Variants in CDCA5 observed in about 807,000 individuals in gnomAD.
CDCA5 encodes sororin.
Under a neutral mutation model 25.7 loss-of-function variants are expected in CDCA5, and 14 were observed. The observed-to-expected ratio is 0.54, with a 90% confidence interval of 0.36 to 0.85. The LOEUF (loss-of-function observed/expected upper bound fraction) is 0.85, where lower values mean the gene tolerates loss of function less well. Ranked by LOEUF, CDCA5 falls within the 40% of genes least tolerant of loss-of-function variation. The pLI is 0.01. For synonymous variants in CDCA5, 127 were observed against 128.7 expected (o/e 0.99, Z 0.09); for missense variants, 307 against 324.5 (o/e 0.95, Z 0.41).
downstream of CDCA5, chr11:65,066,347 G>A (rs1463436666): frequency 9.4e-6 from 11 of 1,173,650 alleles, no homozygotes; most frequent in Middle Eastern, 3.6e-4. Context: ...CTGGCTGAAG[G>A]AGCGGCCTCC....
chr11:65,062,916 G>A (rs1184873025), downstream of CDCA5, among the ~76,000 whole-genome samples: 1 of 152,106 alleles, frequency 6.6e-6, no homozygotes, highest in Admixed American at 6.5e-5. Flanking sequence ...TTCTACCAGG[G>A]CAGACATCTT....
Position 65,078,484 on chromosome 11 carries a change from C to T in CDCA5, c.*623G>A. 4.1e-6 allele frequency: 4 copies of T among 985,550 alleles called. No individual in the cohort carries two copies. Among genetic ancestry groups the T allele is most frequent in the Non-Finnish European group, 4.8e-6 (4 of 829,978 alleles). 61.1% of individuals were successfully genotyped at this position (985,550 alleles called of 1,614,324 possible). ...GTAGTACACACTTATGGTCTGAGACCCAACTAAGGCTCCCTACATCCTTCA... is the reference window on the plus strand; with the variant it reads ...GTAGTACACACTTATGGTCTGAGACTCAACTAAGGCTCCCTACATCCTTCA... On this transcript the variant is annotated 3_prime_UTR_variant, in exon 6 of 6. Coordinates refer to ENST00000275517, the MANE Select transcript of CDCA5 (RefSeq NM_080668.4).
chr11:65,066,197 G>A (rs532569878), downstream of CDCA5: 39 of 340,300 alleles, frequency 1.1e-4, no homozygotes, highest in Non-Finnish European at 1.6e-4. Context: ...GGGAGTGGGG[G>A]TGATGTCAGA....
downstream of CDCA5, among the ~76,000 whole-genome samples, chr11:65,074,286 T>C (rs1277767198): frequency 6.6e-6 from 1 of 152,176 alleles, no homozygotes; most frequent in Non-Finnish European, 1.5e-5. Context: ...TTGGCCAGGC[T>C]GGTCTTGAAC....
At position 65,078,212 on chromosome 11, in the gene CDCA5, C is replaced by T; in HGVS notation, c.*895G>A. ...CTAGGGCCAAGTAGACTCGGTGTAA[C>T]TTATTTTGTAAGAAATGGGTATGGG... On this transcript the variant is annotated 3_prime_UTR_variant, in exon 6 of 6. Coordinates refer to ENST00000275517, the MANE Select transcript of CDCA5 (RefSeq NM_080668.4). 1 of 985,450 alleles carries T rather than the reference C, an allele frequency of 1.0e-6. No homozygotes were observed. Among genetic ancestry groups the T allele is most frequent in the Non-Finnish European group, 1.2e-6 (1 of 829,958 alleles). 61.0% of individuals were successfully genotyped at this position (985,450 alleles called of 1,614,324 possible).
intron 1 of CDCA5, among the ~76,000 whole-genome samples, chr11:65,071,523 C>T (rs1293712649): frequency 1.3e-5 from 2 of 151,944 alleles, no homozygotes; most frequent in Admixed American, 1.3e-4. Context: ...CCATGTTGGT[C>T]AGGCTGGTCT....
chr11:65,076,865 G>C (rs1947456173), downstream of CDCA5, among the ~76,000 whole-genome samples: 1 of 152,146 alleles, frequency 6.6e-6, no homozygotes, highest in Admixed American at 6.5e-5. Flanking sequence ...GGCTGGACTC[G>C]GGAGGGTGTT....
At chr11:65,081,679 A>AT (rs1215158247) in intron 4 of CDCA5, among the ~76,000 whole-genome samples, 2 of 152,106 alleles carry the variant, frequency 1.3e-5, no homozygotes, top group Non-Finnish European at 2.9e-5. Context: ...ATAAGAACTG[A>AT]TAAGGACCAG....
chr11:65,079,112 C>G lies in CDCA5; in HGVS notation c.754G>C (p.Glu252Gln), dbSNP rs765678897. 1 of 1,517,868 alleles carries G rather than the reference C, an allele frequency of 6.6e-7. No homozygotes were observed. The highest frequency in any genetic ancestry group is 2.3e-5 in the East Asian group (1 of 44,100). The allele number at this position is 1,517,868 out of a possible 1,614,324, so 94.0% of individuals were successfully genotyped here. ...EAAEQFDLLV[E>Q] ...GGTGCACCCCCCACTGCATCTCATT[C>G]AACCAGGAGATCAAACTGCTCAGCA... The change falls in exon 6 of 6, where the codon GAA becomes CAA. Residue 252 changes from glutamate (E) to glutamine (Q), a missense_variant. Transcript: ENST00000275517.
At chr11:65,069,235 C>CACA (rs1947297131) in intron 1 of CDCA5, among the ~76,000 whole-genome samples, 1 of 85,930 alleles carries the variant, frequency 1.2e-5, no homozygotes, top group Non-Finnish European at 2.1e-5. Context: ...GCGAGACTCT[C>CACA]AAAAAAAAAA....
downstream of CDCA5, chr11:65,077,357 C>T (rs184430778): frequency 1.0e-4 from 57 of 543,360 alleles, no homozygotes; most frequent in Middle Eastern, 9.4e-4. Context: ...GGGCTGGGAG[C>T]GCCTGGACAA....
chr11:65,061,782 AAAAAAAAAAAAAAC>A (rs1294853904), downstream of CDCA5, among the ~76,000 whole-genome samples: 1 of 150,864 alleles, frequency 6.6e-6, no homozygotes, highest in Non-Finnish European at 1.5e-5. Context: ...CTCAAGAAAA[AAAAAAAAAAAAAAC>A]AAAAAAAACC....
At chr11:65,076,612 A>G (rs1947450333), downstream of CDCA5, among the ~76,000 whole-genome samples, 1 of 152,162 alleles carries the variant, frequency 6.6e-6, no homozygotes. Flanking sequence ...AATGGCTTTG[A>G]TTTGTTTGGA....
At chr11:65,061,635 C>T (rs1424463768), downstream of CDCA5, among the ~76,000 whole-genome samples, 2 of 151,658 alleles carry the variant, frequency 1.3e-5, no homozygotes, top group East Asian at 2.0e-4. Context: ...ATTAGCCGGG[C>T]GTGGTGGCGG....
At chr11:65,076,500 A>C (rs1312154750), downstream of CDCA5, among the ~76,000 whole-genome samples, 4 of 152,200 alleles carry the variant, frequency 2.6e-5, no homozygotes, top group African/African-American at 9.6e-5. Context: ...AGACAAGATA[A>C]TTGGATCAAA....
chr11:65,061,914 ATTTTTTTT>A (rs35836447), downstream of CDCA5, among the ~76,000 whole-genome samples: 2 of 82,312 alleles, frequency 2.4e-5, no homozygotes, highest in African/African-American at 4.6e-5. Context: ...CAGCTGCCTA[ATTTTTTTT>A]TTTTTTTTTT....
rs1221027653 is a variant in CDCA5, at chr11:65,079,390, T to A, written c.641A>T (p.Lys214Ile). 4.2e-5 allele frequency: 68 copies of A among 1,614,040 alleles called. No individual in the cohort carries two copies. Among genetic ancestry groups the A allele is most frequent in the Non-Finnish European group, 5.7e-5 (67 of 1,180,002 alleles). Residue 214 changes from lysine to isoleucine, a missense_variant, in exon 5 of 6, where the codon AAA (lysine) becomes ATA (isoleucine). By Grantham distance (102) the Lys-to-Ile change is moderately radical (BLOSUM62 -3). Transcript: ENST00000275517. ...CATTTTCTTCTTCTTACGTTTCTGT[T>A]TCTCGGGTGGTGGGGAGATTCCAGG... ...TLPGISPPPE[K>I]QKRKKKKMPE...
chr11:65,064,989 A>G (rs1947219132), downstream of CDCA5, among the ~76,000 whole-genome samples: 1 of 152,184 alleles, frequency 6.6e-6, no homozygotes, highest in East Asian at 1.9e-4. Context: ...CCTGATCCCT[A>G]GGAGTCTGGT....
chr11:65,067,644 G>A (rs772294228), intron 4 of CDCA5: 157 of 1,287,918 alleles, frequency 1.2e-4, no homozygotes, highest in Non-Finnish European at 9.0e-5. Context: ...CCATCTGCCC[G>A]CCCAGATCAC....
Sources: gnomAD v4.1 joint callset for allele counts (sites outside exome capture counted in the v4.1 genomes callset) on GRCh38, gnomAD v4.1.1 for gene constraint, MANE v1.5 for transcripts, NCBI Gene and HGNC (gene_info 2026-07-23, HGNC 2026-07-21) for gene names.